SNTN: variants seen among roughly 807,000 people sequenced by gnomAD.
The protein encoded by SNTN is sentan, cilia apical structure protein.
A neutral mutation model predicts 12.3 loss-of-function variants in SNTN; 13 were observed. The ratio of observed to expected loss-of-function variants is 1.05; its 90% CI spans 0.69 to 1.67. The LOEUF (loss-of-function observed/expected upper bound fraction) is 1.67, where lower values mean the gene tolerates loss of function less well. SNTN is among the 40% of genes most tolerant of loss of function. The pLI, the probability that SNTN is intolerant of heterozygous loss-of-function variation, is 0.00. For missense variants in SNTN, 189 were observed against 169.8 expected (o/e 1.11, Z -0.63); for synonymous variants, 69 against 58.5 (o/e 1.18, Z -0.82).
At chr3:63,653,855 C>T (rs539635974) in intron 1 of SNTN, among the ~76,000 whole-genome samples, 3 of 152,344 alleles carry the variant, frequency 2.0e-5, no homozygotes, top group African/African-American at 7.2e-5. Context: ...CTCCAAGGCT[C>T]AATATGCCCT....
In SNTN at chr3:63,654,811, A is replaced by T; in HGVS notation, c.145+15A>T. ...TTCAGTGAAAGGTAAGGCACAGATG[A>T]CGCAGATGTACATTTTTCTCCTCTA... On this transcript the variant is annotated intron_variant, in intron 2 of 3. Transcript: ENST00000343837. 6.2e-7 allele frequency: 1 copy of T among 1,611,474 alleles called. No individual in the cohort carries two copies. The highest frequency in any genetic ancestry group is 8.5e-7 in the Non-Finnish European group (1 of 1,178,630).
intron 2 of SNTN, among the ~76,000 whole-genome samples, chr3:63,656,574 A>G (rs1343235660): frequency 6.6e-6 from 1 of 152,226 alleles, no homozygotes; most frequent in African/African-American, 2.4e-5. Context: ...AGTAAAATAG[A>G]TTATTAAAAT....
chr3:63,663,288 G>A (rs1472024281), intron 3 of SNTN, among the ~76,000 whole-genome samples: 1 of 152,156 alleles, frequency 6.6e-6, no homozygotes, highest in African/African-American at 2.4e-5. Flanking sequence ...CTCTGATACT[G>A]CATCTGTAGG....
chr3:63,658,827 T>C (rs907408181), intron 2 of SNTN, among the ~76,000 whole-genome samples: 2 of 152,314 alleles, frequency 1.3e-5, no homozygotes, highest in South Asian at 4.1e-4. Flanking sequence ...GCACATTACC[T>C]GGACTGAAAG....
chr3:63,653,264 G>C (rs962030896), intron 1 of SNTN, among the ~76,000 whole-genome samples: 1 of 152,108 alleles, frequency 6.6e-6, no homozygotes. Flanking sequence ...AGGAGATATG[G>C]ATATGAACTG....
At chr3:63,662,456 G>T (rs568930396) in intron 3 of SNTN, among the ~76,000 whole-genome samples, 1 of 152,306 alleles carries the variant, frequency 6.6e-6, no homozygotes, top group Non-Finnish European at 1.5e-5. Context: ...GATACAAAAA[G>T]GTGACAGGTC....
At chr3:63,654,857 TTA>T (rs1491458949) in intron 2 of SNTN, 61 bp downstream of exon 2, 1 of 1,474,606 alleles carries the variant, frequency 6.8e-7, no homozygotes, top group Non-Finnish European at 9.3e-7. Context: ...ATGCCAAGTG[TTA>T]AAAAAAAATA....
chr3:63,661,058 T>A (rs1348189776), intron 3 of SNTN, among the ~76,000 whole-genome samples: 1 of 152,266 alleles, frequency 6.6e-6, no homozygotes, highest in East Asian at 1.9e-4. Flanking sequence ...AAGGACACCG[T>A]ATCATTATTC....
chr3:63,659,230 C>A (rs1042712744), intron 2 of SNTN, among the ~76,000 whole-genome samples: 1 of 152,110 alleles, frequency 6.6e-6, no homozygotes, highest in South Asian at 2.1e-4. Flanking sequence ...CAAAGAGAAC[C>A]CTTATTCATC....
At chr3:63,659,633 T>A (rs748934068) in intron 2 of SNTN, 92 bp from the exon 3 acceptor site, 37 of 1,464,652 alleles carry the variant, frequency 2.5e-5, no homozygotes, top group Non-Finnish European at 3.4e-5. Context: ...TTTAGAAGGT[T>A]CCCTACAGTT....
intron 2 of SNTN, among the ~76,000 whole-genome samples, chr3:63,655,033 A>G (rs1700661313): frequency 6.6e-6 from 1 of 152,128 alleles, no homozygotes; most frequent in African/African-American, 2.4e-5. Flanking sequence ...GAGACCATGG[A>G]TCCCCTGGCT....
chr3:63,653,979 A>G (rs1201150310), intron 1 of SNTN, among the ~76,000 whole-genome samples: 3 of 152,136 alleles, frequency 2.0e-5, no homozygotes, highest in Non-Finnish European at 4.4e-5. Flanking sequence ...GCCTCAACAC[A>G]TAAGTTTCCT....
chr3:63,662,100 G>A (rs767016485), intron 3 of SNTN, among the ~76,000 whole-genome samples: 3 of 152,154 alleles, frequency 2.0e-5, no homozygotes, highest in Non-Finnish European at 2.9e-5. Flanking sequence ...TGAAAGCAGA[G>A]CCATATTTCA....
At chr3:63,659,327 C>G (rs538094546) in intron 2 of SNTN, among the ~76,000 whole-genome samples, 2 of 152,304 alleles carry the variant, frequency 1.3e-5, no homozygotes, top group East Asian at 3.9e-4. Flanking sequence ...AATATAAATT[C>G]CACAAGAGTA....
At chr3:63,659,067 AG>A (rs1305941058) in intron 2 of SNTN, among the ~76,000 whole-genome samples, 1 of 152,200 alleles carries the variant, frequency 6.6e-6, no homozygotes, top group African/African-American at 2.4e-5. Context: ...GGTGACTAAA[AG>A]AACACAAAGC....
chr3:63,661,385 C>A (rs942405925), intron 3 of SNTN, among the ~76,000 whole-genome samples: 3 of 152,156 alleles, frequency 2.0e-5, no homozygotes, highest in Non-Finnish European at 2.9e-5. Flanking sequence ...CACACATACA[C>A]ATACATAAAC....
intron 3 of SNTN, among the ~76,000 whole-genome samples, chr3:63,662,888 A>G (rs1700756908): frequency 6.6e-6 from 1 of 152,222 alleles, no homozygotes; most frequent in African/African-American, 2.4e-5. Flanking sequence ...AAGATATTTC[A>G]CAAGCTGTGA....
At chr3:63,660,994 G>A (rs1409157000) in intron 3 of SNTN, among the ~76,000 whole-genome samples, 1 of 152,172 alleles carries the variant, frequency 6.6e-6, no homozygotes, top group African/African-American at 2.4e-5. Flanking sequence ...CCTATAGCCT[G>A]TGTTGCTTAG....
intron 3 of SNTN, among the ~76,000 whole-genome samples, chr3:63,663,119 T>C (rs577615918): frequency 3.9e-5 from 6 of 152,190 alleles, no homozygotes; most frequent in Non-Finnish European, 1.5e-5. Context: ...AACACAAAGA[T>C]TGTATTTTGA....
Sources: allele counts gnomAD v4.1 joint callset (sites outside exome capture counted in the v4.1 genomes callset), GRCh38; gene constraint gnomAD v4.1.1; transcripts MANE v1.5; gene names NCBI Gene and HGNC (gene_info 2026-07-23, HGNC 2026-07-21).